The following VAPB variants were observed in gnomAD, a reference collection of about 807,000 sequenced individuals.
VAPB encodes VAMP associated protein B and C.
A neutral mutation model predicts 25.6 loss-of-function variants in VAPB; 7 were observed. The observed-to-expected ratio is 0.27, with a 90% confidence interval of 0.16 to 0.51. VAPB has a LOEUF of 0.51. VAPB is among the 20% of genes least tolerant of loss of function. The probability of loss-of-function intolerance (pLI) is 0.97; values close to 1 mark genes in which losing one functional copy is unlikely to be tolerated. For synonymous variants in VAPB, 112 were observed against 109.2 expected (o/e 1.03, Z -0.16); for missense variants, 266 against 301.3 (o/e 0.88, Z 0.87).
rs1989148319 is a variant in VAPB at position 58,441,016 on chromosome 20, T to C, written c.506T>C (p.Val169Ala). Residue 169 changes from valine to alanine, a missense_variant, in exon 5 of 6, where the codon GTT (valine) becomes GCT (alanine). Transcript: ENST00000475243. ...SSLDDTEVKK[V>A]MEECKRLQGE... ...TTGGATGACACCGAAGTTAAGAAGGTTATGGAAGAATGTAAGAGGCTGCAA... is the reference window on the plus strand; with the variant it reads ...TTGGATGACACCGAAGTTAAGAAGGCTATGGAAGAATGTAAGAGGCTGCAA... 1.2e-6 allele frequency: 2 copies of C among 1,613,816 alleles called. No individual in the cohort carries two copies. Among genetic ancestry groups the C allele is most frequent in the African/African-American group, 1.3e-5 (1 of 74,842 alleles).
intron 2 of VAPB, among the ~76,000 whole-genome samples, chr20:58,425,999 T>C (rs1249810773): frequency 6.6e-6 from 1 of 152,208 alleles, no homozygotes; most frequent in African/African-American, 2.4e-5. Flanking sequence ...TTCAAATGAT[T>C]CTTGTGCCTC....
At chr20:58,390,179 G>A (rs1431964979) in intron 1 of VAPB, 1 of 152,120 alleles carries the variant, frequency 6.6e-6, no homozygotes, top group Non-Finnish European at 1.5e-5. Context: ...TGATGGGATT[G>A]GGCCCATTTT....
intron 1 of VAPB, among the ~76,000 whole-genome samples, chr20:58,402,894 A>G (rs1156358136): frequency 6.6e-6 from 1 of 152,118 alleles, no homozygotes; most frequent in Non-Finnish European, 1.5e-5. Flanking sequence ...AATCCCAGCT[A>G]CTCGGGAGGC....
chr20:58,394,994 G>T (rs1033451425), intron 1 of VAPB, among the ~76,000 whole-genome samples: 1 of 152,196 alleles, frequency 6.6e-6, no homozygotes, highest in Non-Finnish European at 1.5e-5. Flanking sequence ...GCAGAATACT[G>T]AGAACTTTGA....
chr20:58,440,197 G>A (rs539996111), intron 4 of VAPB: 1 of 152,428 alleles, frequency 6.6e-6, no homozygotes, highest in African/African-American at 2.4e-5. Flanking sequence ...TTGGTAGCCT[G>A]GGGCCTTGCT....
chr20:58,420,756 G>T (rs368297533), intron 2 of VAPB, among the ~76,000 whole-genome samples: 1 of 152,142 alleles, frequency 6.6e-6, no homozygotes, highest in Non-Finnish European at 1.5e-5. Flanking sequence ...TCAGTGCTTG[G>T]GGGGAACCAA....
intron 1 of VAPB, among the ~76,000 whole-genome samples, chr20:58,403,952 A>G (rs1417324538): frequency 6.6e-6 from 1 of 152,128 alleles, no homozygotes; most frequent in African/African-American, 2.4e-5. Context: ...GTAACCTTTC[A>G]CATCTACTCA....
intron 1 of VAPB, among the ~76,000 whole-genome samples, chr20:58,406,537 TCA>T (rs1398545141): frequency 2.0e-5 from 3 of 152,216 alleles, no homozygotes; most frequent in Non-Finnish European, 4.4e-5. Flanking sequence ...TTCTCATCGT[TCA>T]CAGATTGAAA....
rs1185870201 is a variant in VAPB, at chr20:58,446,548, G to A, written c.*2313G>A. 2.2e-6 allele frequency: 1 copy of A among 453,880 alleles called. No homozygotes were observed. Among genetic ancestry groups the A allele is most frequent in the Non-Finnish European group, 4.4e-6 (1 of 226,746 alleles). The allele number at this position is 453,880 out of a possible 1,614,324, so 28.1% of individuals were successfully genotyped here. A position where few individuals can be genotyped will look rare whatever the true frequency, so the allele number is the denominator to read the frequency against. ...GTAACAGTTCTTAAAAAGAATATCT[G>A]AGAAACTACTCTGTTTTAGACCTTT... On this transcript the variant is annotated 3_prime_UTR_variant, in exon 6 of 6. Transcript: ENST00000475243.
At chr20:58,402,825 C>T (rs997820021) in intron 1 of VAPB, among the ~76,000 whole-genome samples, 2 of 152,014 alleles carry the variant, frequency 1.3e-5, no homozygotes, top group African/African-American at 4.8e-5. Flanking sequence ...GGCAATATGG[C>T]GAAACCCCAT....
At chr20:58,389,947 C>T (rs1055873301) in intron 1 of VAPB, among the ~76,000 whole-genome samples, 1 of 152,230 alleles carries the variant, frequency 6.6e-6, no homozygotes, top group African/African-American at 2.4e-5. Flanking sequence ...AGCCACCGTG[C>T]ACACCTGCTG....
chr20:58,400,287 A>G (rs1376041246), intron 1 of VAPB, among the ~76,000 whole-genome samples: 1 of 152,182 alleles, frequency 6.6e-6, no homozygotes, highest in Non-Finnish European at 1.5e-5. Context: ...TCTAAGCTTG[A>G]GAACTTAAGT....
chr20:58,432,498 C>G (rs973765040), intron 2 of VAPB: 1 of 151,980 alleles, frequency 6.6e-6, no homozygotes, highest in Non-Finnish European at 1.5e-5. Context: ...CTTTCCTAAA[C>G]TGAAAAATAC....
chr20:58,410,483 C>A (rs751998546), intron 1 of VAPB, among the ~76,000 whole-genome samples: 19 of 152,138 alleles, frequency 1.2e-4, no homozygotes, highest in Non-Finnish European at 2.6e-4. Flanking sequence ...GTGGAGCGAT[C>A]TTCGCTCACT....
chr20:58,409,929 AC>A (rs1185669083), intron 1 of VAPB, among the ~76,000 whole-genome samples: 5 of 151,910 alleles, frequency 3.3e-5, no homozygotes, highest in Admixed American at 2.0e-4. Context: ...ACACACACAC[AC>A]ACACAATACA....
rs781402871 is a variant in VAPB, at chr20:58,444,389, A to G, written c.*154A>G. 3 of 975,006 alleles carry G rather than the reference A, an allele frequency of 3.1e-6. No individual in the cohort carries two copies. In the South Asian group the frequency reaches 3.9e-5, roughly 13 times the overall value. 60.4% of individuals were successfully genotyped at this position (975,006 alleles called of 1,614,324 possible). On this transcript the variant is annotated 3_prime_UTR_variant, in exon 6 of 6. Transcript: ENST00000475243. Reference sequence around the variant, plus strand: ...CCCCTCCCTGCACACACATACACAGATACACACACACAAATATAATGTAAC... The same window carrying G: ...CCCCTCCCTGCACACACATACACAGGTACACACACACAAATATAATGTAAC...
chr20:58,403,307 C>G (rs746578018), intron 1 of VAPB, among the ~76,000 whole-genome samples: 17 of 152,298 alleles, frequency 1.1e-4, no homozygotes, highest in South Asian at 1.0e-3. Context: ...CATCGTTAGC[C>G]TATTACTGCT....
At chr20:58,441,300 A>C (rs1330733062) in intron 5 of VAPB, among the ~76,000 whole-genome samples, 1 of 152,032 alleles carries the variant, frequency 6.6e-6, no homozygotes, top group African/African-American at 2.4e-5. Context: ...CCTTGATCAG[A>C]AATTTCTCAA....
chr20:58,434,138 C>T (rs1156424344), intron 2 of VAPB, among the ~76,000 whole-genome samples: 1 of 152,154 alleles, frequency 6.6e-6, no homozygotes, highest in East Asian at 1.9e-4. Flanking sequence ...CAAGGATTAC[C>T]TTGATTAGCT....
Sources: gnomAD v4.1 joint callset for allele counts (sites outside exome capture counted in the v4.1 genomes callset) on GRCh38, gnomAD v4.1.1 for gene constraint, MANE v1.5 for transcripts, NCBI Gene and HGNC (gene_info 2026-07-23, HGNC 2026-07-21) for gene names.